The following ZDHHC14 variants were observed in gnomAD, a reference collection of about 807,000 sequenced individuals.
ZDHHC14 encodes palmitoyltransferase ZDHHC14.
ZDHHC14 carries 16 observed loss-of-function variants against 47.7 expected under a neutral mutation model. That is an observed-to-expected ratio of 0.34 (90% CI 0.23 to 0.51). The LOEUF (loss-of-function observed/expected upper bound fraction) is 0.51, where lower values mean the gene tolerates loss of function less well. Ranked by LOEUF, ZDHHC14 falls within the 20% of genes least tolerant of loss-of-function variation. ZDHHC14 has a pLI of 0.97. For missense variants in ZDHHC14, 515 were observed against 662.5 expected, an observed-to-expected ratio of 0.78 and a Z score of 2.44; for synonymous variants, 293 against 278.9, an observed-to-expected ratio of 1.05 and a Z score of -0.50.
Position 157,603,272 on chromosome 6 carries a change from C to G in ZDHHC14, c.565+10126C>G, listed in dbSNP as rs368432564. 4.8e-4 allele frequency among the ~76,000 whole-genome samples: 73 copies of G among 152,344 alleles called. 1 individual carries two copies. The East Asian group carries it at 0.012, about 26-fold the overall frequency. On this transcript the variant is annotated intron_variant, in intron 3 of 8. Coordinates refer to ENST00000359775, the MANE Select transcript of ZDHHC14 (RefSeq NM_024630.3). ...CAAAGAAATTTCACACAGGTTCGTT[C>G]CCTGCCCTTAACGAGTTTTCCACGT...
chr6:157,458,698 G>T (rs1218616734), intron 1 of ZDHHC14, among the ~76,000 whole-genome samples: 2 of 151,286 alleles, frequency 1.3e-5, no homozygotes, highest in African/African-American at 4.9e-5. Flanking sequence ...GTGTAGATGT[G>T]AGTGCTAGTG....
chr6:157,528,564 T>C (rs1242362405), intron 1 of ZDHHC14, among the ~76,000 whole-genome samples: 3 of 151,976 alleles, frequency 2.0e-5, no homozygotes. Context: ...ACCCTGTCTC[T>C]ACTAAAAATA....
intron 7 of ZDHHC14, among the ~76,000 whole-genome samples, chr6:157,649,936 T>C (rs1777741375): frequency 6.6e-6 from 1 of 151,880 alleles, no homozygotes; most frequent in Admixed American, 6.5e-5. Flanking sequence ...GCCAGTTCCG[T>C]GCCAGGCGCT....
At chr6:157,658,200 A>G (rs1778187539) in intron 8 of ZDHHC14, among the ~76,000 whole-genome samples, 1 of 152,026 alleles carries the variant, frequency 6.6e-6, no homozygotes, top group Admixed American at 6.6e-5. Flanking sequence ...CAGAATGGGA[A>G]CCAGGGAATG....
Position 157,382,036 on chromosome 6 carries a change from C to T in ZDHHC14, c.15C>T (p.Gly5=), listed in dbSNP as rs761205303. Residue 5 remains glycine, a synonymous_variant, in exon 1 of 9, where the codon GGC becomes GGT. Coordinates refer to ENST00000359775, the MANE Select transcript of ZDHHC14 (RefSeq NM_024630.3). MPPG[G]GGPMKDCEYS... is the part of the protein sequence containing the mutation. ...TGCCCTCGTGGATGCCTCCCGGCGG[C>T]GGCGGGCCCATGAAAGACTGCGAGT... The T allele has an allele frequency of 1.0e-5, 16 of 1,534,340 alleles. No individual in the cohort carries two copies. The South Asian group carries it at 1.2e-4, about 12-fold the overall frequency.
chr6:157,527,450 A>G (rs1233990349), intron 1 of ZDHHC14, among the ~76,000 whole-genome samples: 1 of 152,216 alleles, frequency 6.6e-6, no homozygotes, highest in Admixed American at 6.5e-5. Context: ...GCTTGCTCTT[A>G]TAGTCAGACA....
chr6:157,519,041 C>G (rs1780812649), intron 1 of ZDHHC14, among the ~76,000 whole-genome samples: 1 of 152,212 alleles, frequency 6.6e-6, no homozygotes, highest in Non-Finnish European at 1.5e-5. Context: ...CTGTTGTCAA[C>G]ACAGCGTTAT....
In ZDHHC14 at chr6:157,382,481, G is replaced by A. The variant is rs572296202; in HGVS notation, c.245+215G>A. Among the ~76,000 whole-genome samples the A allele has an allele frequency of 2.5e-3, 374 of 152,322 alleles. 7 individuals carry two copies. Among genetic ancestry groups the A allele is most frequent in the Non-Finnish European group, 1.1e-3 (74 of 68,038 alleles). ...TGGGCTGGGCTTCTGGGAGCAGGGAGGGAAGGGGTCCACTTGCAAGGGGGG... is the reference window on the plus strand; with the variant it reads ...TGGGCTGGGCTTCTGGGAGCAGGGAAGGAAGGGGTCCACTTGCAAGGGGGG... On this transcript the variant is annotated intron_variant, in intron 1 of 8. Transcript: ENST00000359775.
chr6:157,457,810 G>A (rs1004775357), intron 1 of ZDHHC14, among the ~76,000 whole-genome samples: 6 of 152,126 alleles, frequency 3.9e-5, no homozygotes, highest in South Asian at 2.1e-4. Context: ...TACCACTTGC[G>A]CCCTCAACCA....
chr6:157,608,701 G>A (rs565377916), intron 3 of ZDHHC14, among the ~76,000 whole-genome samples: 6 of 152,270 alleles, frequency 3.9e-5, no homozygotes, highest in Non-Finnish European at 7.4e-5. Context: ...TATAAGCCAC[G>A]CAAAAGAGTT....
At chr6:157,479,342 T>G (rs539683520) in intron 1 of ZDHHC14, among the ~76,000 whole-genome samples, 1 of 152,192 alleles carries the variant, frequency 6.6e-6, no homozygotes, top group Non-Finnish European at 1.5e-5. Flanking sequence ...ATTTTATGTG[T>G]CTTAAGGTTT....
chr6:157,613,843 A>C (rs1016732222), intron 3 of ZDHHC14, among the ~76,000 whole-genome samples: 2 of 152,202 alleles, frequency 1.3e-5, no homozygotes, highest in Admixed American at 1.3e-4. Flanking sequence ...AGCTGTCATC[A>C]GAGTTTTAAA....
chr6:157,493,502 G>A (rs940940040), intron 1 of ZDHHC14, among the ~76,000 whole-genome samples: 1 of 152,226 alleles, frequency 6.6e-6, no homozygotes, highest in Admixed American at 6.5e-5. Flanking sequence ...CCTGAAGCCA[G>A]AAGCATGCCA....
At chr6:157,639,759 G>A (rs1327695005) in intron 5 of ZDHHC14, among the ~76,000 whole-genome samples, 1 of 152,208 alleles carries the variant, frequency 6.6e-6, no homozygotes, top group Non-Finnish European at 1.5e-5. Context: ...GGAGGAGTAG[G>A]AGCGTTCTGC....
At chr6:157,474,379 A>C (rs1374404615) in intron 1 of ZDHHC14, among the ~76,000 whole-genome samples, 1 of 152,172 alleles carries the variant, frequency 6.6e-6, no homozygotes, top group African/African-American at 2.4e-5. Flanking sequence ...TGAATATGGG[A>C]GTGCACATGT....
intron 1 of ZDHHC14, among the ~76,000 whole-genome samples, chr6:157,451,061 T>A (rs973268899): frequency 6.6e-6 from 1 of 151,614 alleles, no homozygotes; most frequent in East Asian, 1.9e-4. Context: ...TCTTTATGGA[T>A]GAGATCTGAC....
At chr6:157,405,185 C>T (rs1034181588) in intron 1 of ZDHHC14, among the ~76,000 whole-genome samples, 10 of 152,184 alleles carry the variant, frequency 6.6e-5, no homozygotes, top group African/African-American at 1.7e-4. Context: ...AGAAACCCAT[C>T]TGGGAACTTT....
intron 2 of ZDHHC14, among the ~76,000 whole-genome samples, chr6:157,554,765 T>C (rs1024078172): frequency 6.6e-6 from 1 of 152,250 alleles, no homozygotes; most frequent in Non-Finnish European, 1.5e-5. Context: ...ATGTGGCTGT[T>C]CCTCTGTGAT....
chr6:157,462,742 C>T (rs1779120660), intron 1 of ZDHHC14, among the ~76,000 whole-genome samples: 1 of 152,226 alleles, frequency 6.6e-6, no homozygotes, highest in Non-Finnish European at 1.5e-5. Flanking sequence ...GAAAAGAATC[C>T]AGGGTTCTCT....
Sources: gnomAD v4.1 joint callset for allele counts (sites outside exome capture counted in the v4.1 genomes callset) on GRCh38, gnomAD v4.1.1 for gene constraint, MANE v1.5 for transcripts, NCBI Gene and HGNC (gene_info 2026-07-23, HGNC 2026-07-21) for gene names.